The following SYDE2 variants were observed in gnomAD, a reference collection of about 807,000 sequenced individuals.
SYDE2 encodes synapse defective Rho GTPase homolog 2, also known as rho GTPase-activating protein SYDE2.
Under a neutral mutation model 91.5 loss-of-function variants are expected in SYDE2, and 76 were observed. The observed-to-expected ratio is 0.83, with a 90% CI of 0.69 to 1.01. SYDE2 has a LOEUF of 1.01. Ranked by LOEUF, SYDE2 falls within the 50% of genes least tolerant of loss-of-function variation. The probability of loss-of-function intolerance (pLI) is 0.00; values close to 1 mark genes in which losing one functional copy is unlikely to be tolerated. For missense variants in SYDE2, 1,364 were observed against 1,367.7 expected, an observed-to-expected ratio of 1.00 and a Z score of 0.04; for synonymous variants, 513 against 506.4, an observed-to-expected ratio of 1.01 and a Z score of -0.18.
chr1:85,159,299 TAAAAA>T (rs753600714), intron 6 of SYDE2, 50 bp from the exon 7 acceptor site: 7 of 650,778 alleles, frequency 1.1e-5, no homozygotes, highest in South Asian at 1.0e-4. Context: ...CAACTGAACT[TAAAAA>T]AAAAACAGAG....
chr1:85,178,825 T>A (rs760435645), intron 3 of SYDE2, among the ~76,000 whole-genome samples: 11 of 151,986 alleles, frequency 7.2e-5, no homozygotes, highest in Non-Finnish European at 1.3e-4. Flanking sequence ...AGGGTGTTTT[T>A]TTTTTAAGTT....
At chr1:85,194,321 A>T (rs866673149) in intron 1 of SYDE2, among the ~76,000 whole-genome samples, 29 of 150,512 alleles carry the variant, frequency 1.9e-4, no homozygotes, top group South Asian at 6.2e-4. Flanking sequence ...GAAATATGTT[A>T]TTCATAAATT....
At chr1:85,165,081 A>G (rs1202285054) in intron 5 of SYDE2, among the ~76,000 whole-genome samples, 1 of 152,130 alleles carries the variant, frequency 6.6e-6, no homozygotes, top group African/African-American at 2.4e-5. Flanking sequence ...CTAAAATAGA[A>G]AAATTAGCCG....
At chr1:85,170,371 C>T (rs147593932) in intron 4 of SYDE2, among the ~76,000 whole-genome samples, 16 of 152,224 alleles carry the variant, frequency 1.1e-4, no homozygotes, top group African/African-American at 3.4e-4. Context: ...GAGTACCTGG[C>T]ATGAGACACT....
At chr1:85,183,791 A>G (rs1291544040) in intron 2 of SYDE2, among the ~76,000 whole-genome samples, 1 of 152,146 alleles carries the variant, frequency 6.6e-6, no homozygotes, top group Non-Finnish European at 1.5e-5. Flanking sequence ...GCTTCAGTCT[A>G]TAAACATCAA....
At chr1:85,200,229 A>G (rs1486139753) in intron 1 of SYDE2, 23 bp downstream of exon 1, 1 of 1,613,628 alleles carries the variant, frequency 6.2e-7, no homozygotes, top group East Asian at 2.2e-5. Flanking sequence ...CGGTGCTAGC[A>G]TTTTCATCGC....
intron 4 of SYDE2, among the ~76,000 whole-genome samples, chr1:85,175,308 T>A (rs1459357410): frequency 6.6e-6 from 1 of 152,144 alleles, no homozygotes; most frequent in Non-Finnish European, 1.5e-5. Flanking sequence ...GAGACCACCC[T>A]GGGCAACACG....
At chr1:85,160,581 A>C (rs1428333906) in intron 6 of SYDE2, 1 of 985,256 alleles carries the variant, frequency 1.0e-6, no homozygotes, top group South Asian at 4.7e-5. Context: ...AGAATGGATA[A>C]CTGATTTTTC....
Position 85,200,423 on chromosome 1 carries a change from G to A in SYDE2, c.574C>T (p.Gln192Ter), listed in dbSNP as rs1170671619. The A allele has an allele frequency of 6.2e-7, 1 of 1,614,006 alleles. No homozygotes were observed. Among genetic ancestry groups the A allele is most frequent in the Admixed American group, 1.7e-5 (1 of 60,032 alleles). Residue 192 changes from glutamine (Q) to a stop codon, truncating the protein, a stop_gained, in exon 1 of 7, where the codon CAG (glutamine) becomes TAG (stop). Transcript: ENST00000341460. LOFTEE classifies it high-confidence loss of function. ...RPPAVTVKKL[Q>*]KWMYKGRLLS... ...AGACGCCCTTTGTACATCCACTTCT[G>A]CAGCTTCTTGACTGTCACTGCCGGC...
chr1:85,165,148 C>T (rs1010174795), intron 5 of SYDE2, among the ~76,000 whole-genome samples: 1 of 152,090 alleles, frequency 6.6e-6, no homozygotes, highest in Non-Finnish European at 1.5e-5. Context: ...ATGGGAGAAT[C>T]GCTGGAACCC....
intron 4 of SYDE2, among the ~76,000 whole-genome samples, chr1:85,170,110 A>ATC (rs1325387067): frequency 4.5e-5 from 5 of 111,356 alleles, no homozygotes; most frequent in African/African-American, 1.9e-4. Flanking sequence ...GAAGCTTCCC[A>ATC]TCTCTTTTTT....
At chr1:85,156,431 A>C (rs1165278195), downstream of SYDE2, among the ~76,000 whole-genome samples, 3 of 152,044 alleles carry the variant, frequency 2.0e-5, no homozygotes, top group Non-Finnish European at 4.4e-5. Context: ...TGGCAGCCTC[A>C]GAAAGGAGCA....
intron 3 of SYDE2, 50 bp from the exon 4 acceptor site, chr1:85,178,322 T>C: frequency 6.7e-7 from 1 of 1,486,462 alleles, no homozygotes; most frequent in Non-Finnish European, 9.1e-7. Context: ...AAAGGGAAAA[T>C]ATAATTGCAT....
downstream of SYDE2, among the ~76,000 whole-genome samples, chr1:85,154,627 T>G (rs1206394470): frequency 6.6e-6 from 1 of 150,896 alleles, no homozygotes; most frequent in Non-Finnish European, 1.5e-5. Context: ...TTGATGGCGC[T>G]CCATCATTCA....
At chr1:85,170,168 G>C (rs1451389596) in intron 4 of SYDE2, among the ~76,000 whole-genome samples, 1 of 148,332 alleles carries the variant, frequency 6.7e-6, no homozygotes, top group East Asian at 2.0e-4. Flanking sequence ...ACCCAGGCTG[G>C]AGTACACTGG....
rs923220207 is a variant in SYDE2, at chr1:85,182,136, G to C, written c.2506C>G (p.Gln836Glu). The change falls in exon 3 of 7, where the codon CAG becomes GAG. Residue 836 changes from glutamine (Q) to glutamate (E), a missense_variant. By Grantham distance (29) the Gln-to-Glu change is conservative (BLOSUM62 2). Transcript: ENST00000341460. ...TTTTCAATTTCCATAATACATTTCT[G>C]TATCAGAAGGGGCACCATCAGTCCT... ...NIGLMVPLLI[Q>E]KCIMEIEKRG... 6.2e-7 allele frequency: 1 copy of C among 1,600,286 alleles called. No homozygotes were observed.
chr1:85,191,997 C>A (rs1206797350), intron 1 of SYDE2, among the ~76,000 whole-genome samples: 1 of 149,490 alleles, frequency 6.7e-6, no homozygotes, highest in Non-Finnish European at 1.5e-5. Context: ...TTTTAAAAAT[C>A]TAAGATCATC....
In SYDE2 at chr1:85,190,067, A is replaced by T. The variant is rs770523699; in HGVS notation, c.1431T>A (p.Ser477=). 6.3e-7 allele frequency: 1 copy of T among 1,593,406 alleles called. No individual in the cohort carries two copies. Among genetic ancestry groups the T allele is most frequent in the Non-Finnish European group, 8.6e-7 (1 of 1,167,474 alleles). ...TATGATCATTTTTACCTGCAAAAGG[A>T]GATTTCAACATGGGACTGTCCTCCA... The part of the protein sequence containing the change: ...IMVEDSPMLK[S]PFAGSGILAA... Residue 477 remains serine, a synonymous_variant, in exon 2 of 7, where the codon TCT becomes TCA. Coordinates refer to ENST00000341460, the MANE Select transcript of SYDE2 (RefSeq NM_032184.2).
intron 1 of SYDE2, chr1:85,200,035 A>G (rs995906244): frequency 2.7e-5 from 15 of 565,832 alleles, no homozygotes; most frequent in Non-Finnish European, 1.1e-5. Flanking sequence ...TCTTCATGCC[A>G]TTGTCTGATT....
Sources: allele counts gnomAD v4.1 joint callset (sites outside exome capture counted in the v4.1 genomes callset), GRCh38; gene constraint gnomAD v4.1.1; transcripts MANE v1.5; gene names NCBI Gene and HGNC (gene_info 2026-07-23, HGNC 2026-07-21).